PRKG1: variants seen among roughly 807,000 people sequenced by gnomAD.
The protein encoded by PRKG1 is cGMP-dependent protein kinase 1.
Under a neutral mutation model 88.1 loss-of-function variants are expected in PRKG1, and 35 were observed. The observed-to-expected ratio is 0.40, with a 90% CI of 0.30 to 0.53. The LOEUF (loss-of-function observed/expected upper bound fraction) is 0.53. Among genes scored for constraint, PRKG1 ranks in the 20% least tolerant of loss-of-function variants. The probability of loss-of-function intolerance (pLI) is 0.59; values close to 1 mark genes in which losing one functional copy is unlikely to be tolerated. For synonymous variants in PRKG1, 303 were observed against 292.5 expected (o/e 1.04, Z -0.37); for missense variants, 540 against 839.8 (o/e 0.64, Z 4.41).
intron 2 of PRKG1, among the ~76,000 whole-genome samples, chr10:51,156,323 A>ACACACACACACACACACACCCC (rs796364856): frequency 6.6e-6 from 1 of 151,126 alleles, no homozygotes; most frequent in Non-Finnish European, 1.5e-5. Flanking sequence ...AAACACACAC[A>ACACACACACACACACACACCCC]CCCGAATGTA....
At chr10:51,323,180 C>T (rs1841498431) in intron 2 of PRKG1, among the ~76,000 whole-genome samples, 1 of 152,160 alleles carries the variant, frequency 6.6e-6, no homozygotes, top group Admixed American at 6.5e-5. Context: ...TGTGAGCATA[C>T]TATTAGCGAA....
intron 3 of PRKG1, chr10:51,696,029 A>T (rs1208980807): frequency 6.6e-6 from 1 of 152,204 alleles, no homozygotes; most frequent in African/African-American, 2.4e-5. Context: ...GTAGTAGCAC[A>T]ATGTGATAAG....
chr10:51,330,613 C>CT (rs1841715205), intron 2 of PRKG1, among the ~76,000 whole-genome samples: 1 of 152,178 alleles, frequency 6.6e-6, no homozygotes, highest in Non-Finnish European at 1.5e-5. Context: ...ATCTTTTCTA[C>CT]TGTCAATGAC....
At chr10:51,736,552 C>T (rs564008887) in intron 3 of PRKG1, among the ~76,000 whole-genome samples, 4 of 151,772 alleles carry the variant, frequency 2.6e-5, no homozygotes, top group South Asian at 4.2e-4. Context: ...TTTTACTATA[C>T]TTTCTTTATC....
chr10:52,177,051 A>G (rs1171533360), intron 9 of PRKG1, among the ~76,000 whole-genome samples: 1 of 150,650 alleles, frequency 6.6e-6, no homozygotes, highest in Non-Finnish European at 1.5e-5. Context: ...TTCCAGTACT[A>G]CGTTGAAAAA....
upstream of PRKG1, among the ~76,000 whole-genome samples, chr10:51,072,487 A>G (rs549698126): frequency 4.7e-4 from 72 of 152,242 alleles, no homozygotes; most frequent in African/African-American, 1.6e-3. Context: ...GAGTTATACA[A>G]AGTCACAGTA....
At chr10:51,957,671 T>A (rs971223434) in intron 5 of PRKG1, among the ~76,000 whole-genome samples, 5 of 152,196 alleles carry the variant, frequency 3.3e-5, no homozygotes, top group African/African-American at 1.2e-4. Context: ...AGTATATTGT[T>A]TTCTTTTCCA....
chr10:51,871,305 A>AT (rs1486720730), intron 4 of PRKG1, among the ~76,000 whole-genome samples: 4 of 152,082 alleles, frequency 2.6e-5, no homozygotes, highest in African/African-American at 9.7e-5. Flanking sequence ...TTCACTTGTG[A>AT]TTTTTTATAA....
chr10:52,226,906 A>G (rs1017934904), intron 9 of PRKG1, among the ~76,000 whole-genome samples: 2 of 152,168 alleles, frequency 1.3e-5, no homozygotes, highest in African/African-American at 2.4e-5. Flanking sequence ...GATGCTATTA[A>G]ATATCCATAG....
chr10:51,661,893 G>C (rs1008797974), intron 3 of PRKG1, among the ~76,000 whole-genome samples: 4 of 152,134 alleles, frequency 2.6e-5, no homozygotes, highest in Non-Finnish European at 5.9e-5. Flanking sequence ...GGAATACTAT[G>C]CAGTCATAAA....
intron 4 of PRKG1, among the ~76,000 whole-genome samples, chr10:51,868,295 A>G (rs1358992511): frequency 3.9e-5 from 6 of 152,172 alleles, no homozygotes; most frequent in African/African-American, 1.4e-4. Context: ...TGAAGCGCCA[A>G]CTAGAGCAGA....
At chr10:51,566,459 G>A (rs1296116249) in intron 3 of PRKG1, among the ~76,000 whole-genome samples, 1 of 152,094 alleles carries the variant, frequency 6.6e-6, no homozygotes, top group African/African-American at 2.4e-5. Flanking sequence ...TGAGTGTTGA[G>A]AACCAGTGGG....
intron 2 of PRKG1, among the ~76,000 whole-genome samples, chr10:51,315,755 A>G (rs1405023133): frequency 6.6e-6 from 1 of 152,228 alleles, no homozygotes; most frequent in Non-Finnish European, 1.5e-5. Context: ...GAAAGAATTA[A>G]ATATCAGAAT....
chr10:51,452,748 T>C (rs1034572705), intron 2 of PRKG1, among the ~76,000 whole-genome samples: 3 of 151,924 alleles, frequency 2.0e-5, no homozygotes, highest in Admixed American at 2.0e-4. Context: ...TGGTCTGTAG[T>C]TTTATGTTTT....
At chr10:51,372,521 T>G (rs907050740) in intron 2 of PRKG1, among the ~76,000 whole-genome samples, 3 of 152,168 alleles carry the variant, frequency 2.0e-5, no homozygotes, top group African/African-American at 7.2e-5. Context: ...TAACACTGTC[T>G]AGAACTTCTG....
chr10:52,123,951 T>C (rs1370777908), intron 7 of PRKG1, among the ~76,000 whole-genome samples: 1 of 152,196 alleles, frequency 6.6e-6, no homozygotes, highest in African/African-American at 2.4e-5. Context: ...ATCTCTGAAT[T>C]CCAACTTTGC....
At chr10:51,421,562 T>C (rs79965330) in intron 2 of PRKG1, among the ~76,000 whole-genome samples, 2,893 of 152,208 alleles carry the variant, frequency 0.019, 44 homozygotes, top group Non-Finnish European at 0.032. Flanking sequence ...TTTTTCTTCA[T>C]GGCAACTTTT....
At chr10:51,037,968 G>A (rs1157903014) in intron 1 of PRKG1, among the ~76,000 whole-genome samples, 1 of 151,936 alleles carries the variant, frequency 6.6e-6, no homozygotes, top group Non-Finnish European at 1.5e-5. Flanking sequence ...ATAAACTTTT[G>A]ACTTTATTGT....
intron 4 of PRKG1, among the ~76,000 whole-genome samples, chr10:51,894,317 G>C (rs932169131): frequency 6.6e-6 from 1 of 152,018 alleles, no homozygotes; most frequent in African/African-American, 2.4e-5. Flanking sequence ...AGACACAAAC[G>C]GACAAATATT....
Sources: allele counts gnomAD v4.1 joint callset (sites outside exome capture counted in the v4.1 genomes callset), GRCh38; gene constraint gnomAD v4.1.1; transcripts MANE v1.5; gene names NCBI Gene and HGNC (gene_info 2026-07-23, HGNC 2026-07-21).